Variants in CNTNAP2 observed in about 807,000 individuals in gnomAD.
CNTNAP2 encodes contactin associated protein 2, also known as contactin-associated protein-like 2.
In CNTNAP2, 98 loss-of-function variants were observed where a neutral mutation model predicts 155.2. The observed-to-expected ratio is 0.63, with a 90% confidence interval of 0.54 to 0.75. CNTNAP2 has a LOEUF of 0.75. CNTNAP2 is among the 30% of genes least tolerant of loss of function. The pLI is 0.00. For synonymous variants in CNTNAP2, 651 were observed against 631.2 expected (o/e 1.03, Z -0.47); for missense variants, 1,727 against 1,688.1 (o/e 1.02, Z -0.40).
intron 1 of CNTNAP2, among the ~76,000 whole-genome samples, chr7:146,489,387 C>T (rs894770279): frequency 6.6e-6 from 1 of 152,046 alleles, no homozygotes; most frequent in African/African-American, 2.4e-5. Flanking sequence ...AATTGAAAAC[C>T]GAACCTTTCT....
chr7:148,038,211 G>A (rs536661736), intron 15 of CNTNAP2, among the ~76,000 whole-genome samples: 1 of 152,274 alleles, frequency 6.6e-6, no homozygotes, highest in South Asian at 2.1e-4. Flanking sequence ...AGGCAATTCA[G>A]TCTGATGCCT....
intron 8 of CNTNAP2, among the ~76,000 whole-genome samples, chr7:147,155,529 G>A (rs1801908060): frequency 6.6e-6 from 1 of 152,010 alleles, no homozygotes. Flanking sequence ...TGATATGAAT[G>A]TTGGCAGGGA....
chr7:147,442,561 C>A (rs1174219556), intron 10 of CNTNAP2, among the ~76,000 whole-genome samples: 1 of 152,148 alleles, frequency 6.6e-6, no homozygotes, highest in Non-Finnish European at 1.5e-5. Context: ...TTCCCTCTGC[C>A]TTTCTTAAGC....
At chr7:147,311,941 A>G (rs1795135448) in intron 9 of CNTNAP2, among the ~76,000 whole-genome samples, 2 of 152,170 alleles carry the variant, frequency 1.3e-5, no homozygotes, top group South Asian at 4.1e-4. Context: ...TTAGGCAATC[A>G]ATTATTTGTA....
At position 146,456,454 on chromosome 7, in the gene CNTNAP2, A is replaced by C. The variant is rs1796556503; in HGVS notation, c.98-317817A>C. 2.6e-5 allele frequency among the ~76,000 whole-genome samples: 4 copies of C among 152,148 alleles called. 1 individual carries two copies. The highest frequency in any genetic ancestry group is 2.6e-4 in the Admixed American group (4 of 15,268). ...AAAGTTCCAGATTCATCCAAATCTGAAAGTTTAGATATGGAAAACTTCCTC... is the reference window on the plus strand; with the variant it reads ...AAAGTTCCAGATTCATCCAAATCTGCAAGTTTAGATATGGAAAACTTCCTC... On this transcript the variant is annotated intron_variant, in intron 1 of 23. Coordinates refer to ENST00000361727, the MANE Select transcript of CNTNAP2 (RefSeq NM_014141.6).
chr7:147,901,979 T>C (rs920793113), intron 13 of CNTNAP2, among the ~76,000 whole-genome samples: 2 of 152,198 alleles, frequency 1.3e-5, no homozygotes, highest in African/African-American at 4.8e-5. Flanking sequence ...CCCATAAAAT[T>C]AGGAGGTCAT....
chr7:147,709,450 C>G (rs1796370630), intron 13 of CNTNAP2, among the ~76,000 whole-genome samples: 1 of 152,166 alleles, frequency 6.6e-6, no homozygotes, highest in Admixed American at 6.5e-5. Context: ...ATGAATTTCA[C>G]AGAGCTCTTT....
chr7:146,520,177 A>G (rs1297782107), intron 1 of CNTNAP2, among the ~76,000 whole-genome samples: 1 of 150,986 alleles, frequency 6.6e-6, no homozygotes. Context: ...ATCCTAACTA[A>G]TTAAATAATT....
chr7:148,321,600 G>A (rs923262050), intron 21 of CNTNAP2, among the ~76,000 whole-genome samples: 4 of 152,178 alleles, frequency 2.6e-5, no homozygotes, highest in Non-Finnish European at 4.4e-5. Flanking sequence ...CAAAAGCAGC[G>A]TTGAGCTGAT....
At chr7:148,263,493 C>A (rs967243288) in intron 20 of CNTNAP2, among the ~76,000 whole-genome samples, 1 of 151,956 alleles carries the variant, frequency 6.6e-6, no homozygotes, top group African/African-American at 2.4e-5. Context: ...AATCCCAGCA[C>A]TTTGGGAGGC....
chr7:146,471,823 A>C (rs1038291991), intron 1 of CNTNAP2, among the ~76,000 whole-genome samples: 1 of 152,210 alleles, frequency 6.6e-6, no homozygotes, highest in Admixed American at 6.5e-5. Context: ...AAATTTGAGA[A>C]TTTCAGGAAT....
At chr7:147,448,276 G>A (rs1797775583) in intron 10 of CNTNAP2, among the ~76,000 whole-genome samples, 1 of 152,020 alleles carries the variant, frequency 6.6e-6, no homozygotes, top group Non-Finnish European at 1.5e-5. Flanking sequence ...TCTGGAGAGT[G>A]CTAGATTAGA....
chr7:146,432,864 G>A (rs1796191442), intron 1 of CNTNAP2, among the ~76,000 whole-genome samples: 1 of 152,122 alleles, frequency 6.6e-6, no homozygotes, highest in Non-Finnish European at 1.5e-5. Flanking sequence ...CTCCGTGCCG[G>A]TTGACTTTGG....
intron 8 of CNTNAP2, among the ~76,000 whole-genome samples, chr7:147,188,832 G>GA (rs1211679124): frequency 1.9e-4 from 29 of 152,022 alleles, no homozygotes; most frequent in South Asian, 4.1e-4. Flanking sequence ...TTTAAAAATT[G>GA]AAAAAAATGT....
At chr7:146,729,456 A>G (rs927347937) in intron 1 of CNTNAP2, among the ~76,000 whole-genome samples, 1 of 152,110 alleles carries the variant, frequency 6.6e-6, no homozygotes, top group African/African-American at 2.4e-5. Flanking sequence ...TATTTGTATT[A>G]AGAAAAAAAA....
In CNTNAP2 at chr7:147,903,712, A is replaced by G. The variant is rs746831686; in HGVS notation, c.2246A>G (p.Tyr749Cys). The stretch of plus-strand genomic sequence containing the variant: ...TACTACTGTAACTGCGACGCGGACT[A>G]CAAGCAATGGTGAGTGCCTGCGGGC... Reference protein sequence around the residue: ...PKYYCNCDADYKQWRKDAGFL... With the variant: ...PKYYCNCDADCKQWRKDAGFL... Residue 749 changes from tyrosine (Y) to cysteine (C), a missense_variant, in exon 14 of 24, where the codon TAC becomes TGC. Physicochemically the swap from Tyr to Cys is radical, Grantham distance 194 (BLOSUM62 -2). Coordinates refer to ENST00000361727, the MANE Select transcript of CNTNAP2 (RefSeq NM_014141.6). 8 of 1,613,618 alleles carry G rather than the reference A, an allele frequency of 5.0e-6. No homozygotes were observed. The highest frequency in any genetic ancestry group is 2.2e-5 in the East Asian group (1 of 44,816).
intron 12 of CNTNAP2, among the ~76,000 whole-genome samples, chr7:147,608,248 G>T (rs538298583): frequency 4.6e-5 from 7 of 150,946 alleles, no homozygotes; most frequent in Non-Finnish European, 7.4e-5. Context: ...GAAGTACCTT[G>T]CACCTTACAC....
At chr7:146,192,604 C>T (rs1281298780) in intron 1 of CNTNAP2, among the ~76,000 whole-genome samples, 1 of 152,084 alleles carries the variant, frequency 6.6e-6, no homozygotes, top group Non-Finnish European at 1.5e-5. Flanking sequence ...GGGAAAGACC[C>T]ACCCCCATGA....
chr7:147,454,096 T>A (rs576236200), intron 10 of CNTNAP2, among the ~76,000 whole-genome samples: 48 of 152,306 alleles, frequency 3.2e-4, no homozygotes, highest in Non-Finnish European at 6.6e-4. Context: ...TTTGTGAATT[T>A]TTGGTGTGTT....
Sources: allele counts gnomAD v4.1 joint callset (sites outside exome capture counted in the v4.1 genomes callset), GRCh38; gene constraint gnomAD v4.1.1; transcripts MANE v1.5; gene names NCBI Gene and HGNC (gene_info 2026-07-23, HGNC 2026-07-21).